The following CCDC68 variants were observed in gnomAD, a reference collection of about 807,000 sequenced individuals.
CCDC68 encodes the protein coiled-coil domain containing 68, also known as coiled-coil domain-containing protein 68.
Under a neutral mutation model 47.1 loss-of-function variants are expected in CCDC68, and 45 were observed. That is an observed-to-expected ratio of 0.96 (90% CI 0.75 to 1.23). CCDC68 has a LOEUF of 1.23. Among genes scored for constraint, CCDC68 ranks in the 50% most tolerant of loss-of-function variants. CCDC68 has a pLI of 0.00. For synonymous variants in CCDC68, 131 were observed against 129.5 expected (o/e 1.01, Z -0.08); for missense variants, 353 against 373.6 (o/e 0.94, Z 0.45).
At chr18:54,924,892 CCT>C (rs1026101751) in intron 8 of CCDC68, among the ~76,000 whole-genome samples, 2 of 152,182 alleles carry the variant, frequency 1.3e-5, no homozygotes, top group African/African-American at 2.4e-5. Context: ...TCTGTTCCCC[CCT>C]GTTCCAATGG....
intron 10 of CCDC68, among the ~76,000 whole-genome samples, chr18:54,912,505 G>C (rs1914425514): frequency 6.6e-6 from 1 of 152,142 alleles, no homozygotes; most frequent in Non-Finnish European, 1.5e-5. Context: ...CTAGAAGTAA[G>C]GTAGAAAATA....
intron 10 of CCDC68, among the ~76,000 whole-genome samples, chr18:54,917,274 T>C (rs1008051943): frequency 6.6e-6 from 1 of 152,028 alleles, no homozygotes; most frequent in Non-Finnish European, 1.5e-5. Flanking sequence ...GAGGCCAGGA[T>C]GGATGTGAAT....
At chr18:54,930,355 T>A (rs1359189275) in intron 7 of CCDC68, among the ~76,000 whole-genome samples, 2 of 152,178 alleles carry the variant, frequency 1.3e-5, no homozygotes, top group Admixed American at 1.3e-4. Flanking sequence ...TATATTGAAA[T>A]GTTGGGATAA....
chr18:54,913,395 T>C (rs1186177117), intron 10 of CCDC68, among the ~76,000 whole-genome samples: 1 of 152,236 alleles, frequency 6.6e-6, no homozygotes, highest in African/African-American at 2.4e-5. Context: ...TTTTAGGAAT[T>C]CCAAAATGGG....
rs770746134 is a variant in CCDC68, at chr18:54,934,879, GT to G, written c.540del (p.Lys180AsnfsTer27). On this transcript the variant is annotated frameshift_variant, in exon 7 of 12. Transcript: ENST00000591504. LOFTEE classifies it high-confidence loss of function. ...GTAATTTGACTGTGTTTTTCTTCAA[GT>G]TTTTCAGCAACTTGATTCAGATTTT... is the stretch of plus-strand genomic sequence containing the variant. ...HVENLNQVAE[K>X]LEEKHSQITE... 3 of 1,602,528 alleles carry G rather than the reference GT, an allele frequency of 1.9e-6. No individual in the cohort carries two copies. Among genetic ancestry groups the G allele is most frequent in the South Asian group, 1.1e-5 (1 of 89,210 alleles).
intron 1 of CCDC68, among the ~76,000 whole-genome samples, chr18:54,957,625 A>ACTCT (rs773661012): frequency 0.28 from 37,239 of 131,840 alleles, 5,063 homozygotes; most frequent in East Asian, 0.47. Context: ...ACACACACAC[A>ACTCT]CACTCTCTCT....
chr18:54,923,086 A>T (rs2044089914), intron 8 of CCDC68, among the ~76,000 whole-genome samples: 1 of 152,116 alleles, frequency 6.6e-6, no homozygotes, highest in Admixed American at 6.5e-5. Context: ...TCCAGCAAGG[A>T]AAGTAAAAGA....
chr18:54,910,830 C>T (rs1430088523), intron 10 of CCDC68, among the ~76,000 whole-genome samples: 1 of 152,248 alleles, frequency 6.6e-6, no homozygotes, highest in East Asian at 1.9e-4. Flanking sequence ...CTGGGCTTGG[C>T]CCCAACTTTG....
At chr18:54,944,035 C>CGGGATGTG (rs2044480628) in intron 2 of CCDC68, among the ~76,000 whole-genome samples, 1 of 152,030 alleles carries the variant, frequency 6.6e-6, no homozygotes, top group Non-Finnish European at 1.5e-5. Flanking sequence ...CATCTGTAAT[C>CGGGATGTG]CCAGCTACTC....
rs1037489312 is a variant in CCDC68 at position 54,925,651 on chromosome 18, G to T, written c.683+3149C>A. ...AATCCCACAGGATACAGAAGATAGT[G>T]AGATTAGTGGCATCGTAGAGCTTCT... is the stretch of plus-strand genomic sequence containing the variant. On this transcript the variant is annotated intron_variant, in intron 8 of 11. Coordinates refer to ENST00000591504, the MANE Select transcript of CCDC68 (RefSeq NM_025214.3). 2.6e-5 allele frequency among the ~76,000 whole-genome samples: 4 copies of T among 152,188 alleles called. No individual in the cohort carries two copies. The East Asian group carries it at 7.7e-4, about 29-fold the overall frequency.
chr18:54,920,931 CAT>C (rs1431087283), intron 8 of CCDC68, among the ~76,000 whole-genome samples: 1 of 152,158 alleles, frequency 6.6e-6, no homozygotes, highest in African/African-American at 2.4e-5. Flanking sequence ...ACAGCAAAGA[CAT>C]AGAAACAACC....
At chr18:54,937,153 C>T (rs923980211) in intron 5 of CCDC68, 195 bp from the exon 6 acceptor site, 26 of 562,598 alleles carry the variant, frequency 4.6e-5, no homozygotes, top group Non-Finnish European at 8.1e-5. Flanking sequence ...TTTAGAGGGG[C>T]TGTTGAACAG....
Position 54,901,613 on chromosome 18 carries a change from ATATAC to A in CCDC68, c.*2740_*2744del, listed in dbSNP as rs1202902745. The A allele has an allele frequency of 1.3e-5, 2 of 152,210 alleles. No individual in the cohort carries two copies. The highest frequency in any genetic ancestry group is 6.5e-5 in the Admixed American group (1 of 15,272). The allele number at this position is 152,210 out of a possible 1,614,324, so 9.4% of individuals were successfully genotyped here. A position where few individuals can be genotyped will look rare whatever the true frequency, so the allele number is the denominator to read the frequency against. On this transcript the variant is annotated 3_prime_UTR_variant, in exon 12 of 12. Coordinates refer to ENST00000591504, the MANE Select transcript of CCDC68 (RefSeq NM_025214.3). The stretch of plus-strand genomic sequence containing the variant: ...CATATTATAAGCAATTATTCAAAAG[ATATAC>A]TATACTAATTGTTTAAACATTTTAT...
chr18:54,927,116 C>G (rs2044159548), intron 8 of CCDC68, among the ~76,000 whole-genome samples: 1 of 152,158 alleles, frequency 6.6e-6, no homozygotes, highest in Non-Finnish European at 1.5e-5. Flanking sequence ...CCAAAAGAGT[C>G]TGAGTCATAC....
At chr18:54,938,126 C>A in intron 4 of CCDC68, 29 bp from the exon 5 acceptor site, 1 of 1,591,344 alleles carries the variant, frequency 6.3e-7, no homozygotes, top group Non-Finnish European at 8.5e-7. Context: ...AATCATAGAC[C>A]TGACTATCTT....
At chr18:54,929,989 C>T (rs962361082) in intron 7 of CCDC68, among the ~76,000 whole-genome samples, 4 of 151,980 alleles carry the variant, frequency 2.6e-5, no homozygotes, top group African/African-American at 7.2e-5. Context: ...TCCCTGTGTT[C>T]GCTTTTATTA....
At chr18:54,938,125 C>A (rs369544408) in intron 4 of CCDC68, 28 bp from the exon 5 acceptor site, 2 of 1,592,804 alleles carry the variant, frequency 1.3e-6, no homozygotes, top group Non-Finnish European at 1.7e-6. Flanking sequence ...AAATCATAGA[C>A]CTGACTATCT....
intron 10 of CCDC68, among the ~76,000 whole-genome samples, chr18:54,917,166 C>G (rs958415683): frequency 2.0e-5 from 3 of 152,124 alleles, no homozygotes; most frequent in Admixed American, 2.0e-4. Flanking sequence ...TGTCTTATCC[C>G]AGGACATTAG....
chr18:54,911,019 G>A (rs1914333800), intron 10 of CCDC68, among the ~76,000 whole-genome samples: 2 of 152,192 alleles, frequency 1.3e-5, no homozygotes, highest in Admixed American at 6.5e-5. Flanking sequence ...GCTCTTGTGG[G>A]CTCCATGGAG....
Sources: allele counts gnomAD v4.1 joint callset (sites outside exome capture counted in the v4.1 genomes callset), GRCh38; gene constraint gnomAD v4.1.1; transcripts MANE v1.5; gene names NCBI Gene and HGNC (gene_info 2026-07-23, HGNC 2026-07-21).